SMYD3: variants seen among roughly 807,000 people sequenced by gnomAD.
SMYD3 encodes SET and MYND domain containing 3.
SMYD3 carries 36 observed loss-of-function variants against 57.7 expected under a neutral mutation model. The ratio of observed to expected loss-of-function variants is 0.62; its 90% CI spans 0.48 to 0.82. The LOEUF (loss-of-function observed/expected upper bound fraction) is 0.82. Ranked by LOEUF, SMYD3 falls within the 40% of genes least tolerant of loss-of-function variation. SMYD3 has a pLI of 0.00. For missense variants in SMYD3, 515 were observed against 538.8 expected (o/e 0.96, Z 0.44); for synonymous variants, 211 against 195.0 (o/e 1.08, Z -0.68).
chr1:245,878,220 C>T (rs375183695), intron 8 of SMYD3, among the ~76,000 whole-genome samples: 94 of 152,218 alleles, frequency 6.2e-4, no homozygotes, highest in African/African-American at 2.3e-3. Context: ...AGGGGTTTCA[C>T]AGATTAAACA....
chr1:246,407,198 T>G (rs1341861744), intron 1 of SMYD3, among the ~76,000 whole-genome samples: 1 of 152,222 alleles, frequency 6.6e-6, no homozygotes, highest in Non-Finnish European at 1.5e-5. Context: ...CTTTAGACAA[T>G]TTAGGTCTAG....
At chr1:246,054,940 C>G (rs2060123758) in intron 5 of SMYD3, among the ~76,000 whole-genome samples, 1 of 148,490 alleles carries the variant, frequency 6.7e-6, no homozygotes, top group Non-Finnish European at 1.5e-5. Context: ...CTTTGGGAGG[C>G]CGAGGCGGGC....
At chr1:246,299,398 T>C (rs989224748) in intron 5 of SMYD3, among the ~76,000 whole-genome samples, 1 of 151,914 alleles carries the variant, frequency 6.6e-6, no homozygotes, top group Admixed American at 6.6e-5. Context: ...TTGGTCGGAG[T>C]GTAGGTTAGT....
chr1:246,117,436 G>A (rs1318987913), intron 5 of SMYD3, among the ~76,000 whole-genome samples: 1 of 152,130 alleles, frequency 6.6e-6, no homozygotes, highest in Non-Finnish European at 1.5e-5. Context: ...CTCGAAGCCA[G>A]GTTTCGCAGA....
At chr1:246,342,325 T>C (rs968960856) in intron 2 of SMYD3, among the ~76,000 whole-genome samples, 3 of 152,208 alleles carry the variant, frequency 2.0e-5, no homozygotes, top group Admixed American at 1.3e-4. Flanking sequence ...AAACTTAGGA[T>C]AGTTGAGCTG....
rs371203556 is a variant in SMYD3, at chr1:246,180,579, A to G, written c.531+146622T>C. On this transcript the variant is annotated intron_variant, in intron 5 of 11. Coordinates refer to ENST00000490107, the MANE Select transcript of SMYD3 (RefSeq NM_001167740.2). Reference sequence around the variant, plus strand: ...AAGACCATCCTGGTTAACATGGTGAAACTCCATCTCTACTAAAAATACAAA... The same window carrying G: ...AAGACCATCCTGGTTAACATGGTGAGACTCCATCTCTACTAAAAATACAAA... Among the ~76,000 whole-genome samples, 15 of 150,342 alleles carry G rather than the reference A, an allele frequency of 1.0e-4. No homozygotes were observed. In the East Asian group the frequency reaches 2.4e-3, roughly 24 times the overall value.
chr1:245,875,452 T>G (rs1339155085), intron 8 of SMYD3, among the ~76,000 whole-genome samples: 1 of 152,244 alleles, frequency 6.6e-6, no homozygotes, highest in Non-Finnish European at 1.5e-5. Flanking sequence ...ACCAGAGAAC[T>G]GCTCACTGAG....
At chr1:245,854,171 C>T (rs2051116180) in intron 10 of SMYD3, among the ~76,000 whole-genome samples, 1 of 152,208 alleles carries the variant, frequency 6.6e-6, no homozygotes. Context: ...TTTGAAATGG[C>T]TTTAGATCAG....
chr1:245,863,941 G>T, intron 8 of SMYD3, 55 bp from the exon 9 acceptor site: 1 of 1,490,894 alleles, frequency 6.7e-7, no homozygotes, highest in Non-Finnish European at 9.4e-7. Flanking sequence ...GGCAAAGGAC[G>T]TGAATAGACC....
chr1:246,291,571 C>T (rs1040329304), intron 5 of SMYD3, among the ~76,000 whole-genome samples: 10 of 152,072 alleles, frequency 6.6e-5, no homozygotes, highest in African/African-American at 2.2e-4. Flanking sequence ...AGTGATTTGC[C>T]GTCACTTTGA....
At chr1:246,436,604 T>C (rs944935134) in intron 1 of SMYD3, among the ~76,000 whole-genome samples, 1 of 152,188 alleles carries the variant, frequency 6.6e-6, no homozygotes, top group East Asian at 1.9e-4. Context: ...CTTGATACTT[T>C]TGAAGAGTAA....
intron 5 of SMYD3, among the ~76,000 whole-genome samples, chr1:246,225,133 C>T (rs928622088): frequency 6.0e-5 from 9 of 150,284 alleles, no homozygotes; most frequent in East Asian, 1.9e-4. Context: ...GTTTATTTAA[C>T]GAGAAAGAAA....
chr1:246,288,792 T>C lies in SMYD3; in HGVS notation c.531+38409A>G, dbSNP rs115050317. ...AACTGCTTCCCCAGATGGGCTGAGG[T>C]AAGAAAATGTAGTTCAATTATAAAA... On this transcript the variant is annotated intron_variant, in intron 5 of 11. Coordinates refer to ENST00000490107, the MANE Select transcript of SMYD3 (RefSeq NM_001167740.2). Among the ~76,000 whole-genome samples the C allele has an allele frequency of 3.5e-3, 529 of 152,118 alleles. 1 individual carries two copies. The highest frequency in any genetic ancestry group is 0.012 in the African/African-American group (499 of 41,504).
chr1:246,306,055 C>G (rs191727173), intron 5 of SMYD3: 24 of 152,268 alleles, frequency 1.6e-4, no homozygotes, highest in Admixed American at 1.4e-3. Flanking sequence ...AAATTGAAGG[C>G]TTATACAAAT....
At chr1:246,260,423 TTTG>T (rs537178840) in intron 5 of SMYD3, among the ~76,000 whole-genome samples, 3,811 of 148,760 alleles carry the variant, frequency 0.026, 67 homozygotes, top group Non-Finnish European at 0.037. Flanking sequence ...CCATTTTCCT[TTTG>T]TTGTTGTTGT....
chr1:246,098,395 A>T (rs1472457347), intron 5 of SMYD3, among the ~76,000 whole-genome samples: 1 of 152,220 alleles, frequency 6.6e-6, no homozygotes, highest in Non-Finnish European at 1.5e-5. Flanking sequence ...GGGTTCAGAG[A>T]GGCCAAAAGG....
chr1:245,881,666 T>C lies in SMYD3; in HGVS notation c.814-17780A>G, dbSNP rs190333247. On this transcript the variant is annotated intron_variant, in intron 8 of 11. Transcript: ENST00000490107. ...AGTACTTTCCTAACAAGTAAGCAAA[T>C]ACACAGCAAATATAAAAATGATACG... 2.5e-3 allele frequency among the ~76,000 whole-genome samples: 377 copies of C among 152,242 alleles called. 2 individuals are homozygous for C. Among genetic ancestry groups the C allele is most frequent in the Middle Eastern group, 6.8e-3 (2 of 294 alleles).
At chr1:245,762,746 CT>C (rs1258564740) in intron 11 of SMYD3, among the ~76,000 whole-genome samples, 2 of 152,202 alleles carry the variant, frequency 1.3e-5, no homozygotes, top group Non-Finnish European at 2.9e-5. Context: ...TTAAGAATCC[CT>C]TCGGCATTTG....
At chr1:246,153,687 G>C (rs1267069596) in intron 5 of SMYD3, among the ~76,000 whole-genome samples, 2 of 151,948 alleles carry the variant, frequency 1.3e-5, no homozygotes, top group African/African-American at 2.4e-5. Context: ...TCCCAAGCTG[G>C]TCTCAAACTC....
Sources: allele counts gnomAD v4.1 joint callset (sites outside exome capture counted in the v4.1 genomes callset), GRCh38; gene constraint gnomAD v4.1.1; transcripts MANE v1.5; gene names NCBI Gene and HGNC (gene_info 2026-07-23, HGNC 2026-07-21).